Variants in NECAB1 observed in about 807,000 individuals in gnomAD.
The protein encoded by NECAB1 is N-terminal EF-hand calcium-binding protein 1.
NECAB1 carries 29 observed loss-of-function variants against 57.5 expected under a neutral mutation model. That is an observed-to-expected ratio of 0.50 (90% CI 0.38 to 0.69). NECAB1 has a LOEUF of 0.69. Ranked by LOEUF, NECAB1 falls within the 30% of genes least tolerant of loss-of-function variation. The pLI is 0.00. For missense variants in NECAB1, 372 were observed against 413.8 expected, an observed-to-expected ratio of 0.90 and a Z score of 0.88; for synonymous variants, 142 against 147.7, an observed-to-expected ratio of 0.96 and a Z score of 0.28.
chr8:90,877,400 A>G (rs950834274), intron 4 of NECAB1, among the ~76,000 whole-genome samples: 1 of 152,134 alleles, frequency 6.6e-6, no homozygotes, highest in African/African-American at 2.4e-5. Context: ...CCCATTGCCC[A>G]TAGTGGTCTC....
intron 3 of NECAB1, among the ~76,000 whole-genome samples, chr8:90,852,292 A>G (rs1812698468): frequency 6.6e-6 from 1 of 152,204 alleles, no homozygotes; most frequent in Admixed American, 6.5e-5. Flanking sequence ...GAGGCCCTGA[A>G]AAGTTCAGTA....
chr8:90,910,792 A>G (rs1165005048), intron 5 of NECAB1, among the ~76,000 whole-genome samples: 1 of 152,118 alleles, frequency 6.6e-6, no homozygotes, highest in African/African-American at 2.4e-5. Context: ...GCTATTCTCA[A>G]ATTAGCCATT....
At chr8:90,811,410 G>A (rs1811958464) in intron 2 of NECAB1, among the ~76,000 whole-genome samples, 1 of 152,178 alleles carries the variant, frequency 6.6e-6, no homozygotes, top group Non-Finnish European at 1.5e-5. Flanking sequence ...GAGTTCTGAG[G>A]AGGAAGAGGT....
intron 5 of NECAB1, among the ~76,000 whole-genome samples, chr8:90,894,979 G>A (rs1430514116): frequency 1.3e-5 from 2 of 152,154 alleles, no homozygotes; most frequent in Non-Finnish European, 2.9e-5. Flanking sequence ...ATAGTTTAAT[G>A]AAGCACAGGG....
chr8:90,849,092 T>G (rs1288121693), intron 3 of NECAB1, among the ~76,000 whole-genome samples: 1 of 152,124 alleles, frequency 6.6e-6, no homozygotes, highest in African/African-American at 2.4e-5. Flanking sequence ...AAGCTACAAT[T>G]CAAGGTGAGA....
At chr8:90,858,922 C>T (rs1483102839) in intron 3 of NECAB1, 1 of 152,164 alleles carries the variant, frequency 6.6e-6, no homozygotes, top group African/African-American at 2.4e-5. Flanking sequence ...AGAGTTCAAA[C>T]TCAAACAGTT....
At chr8:90,825,442 G>C (rs1812209215) in intron 3 of NECAB1, among the ~76,000 whole-genome samples, 1 of 151,804 alleles carries the variant, frequency 6.6e-6, no homozygotes. Flanking sequence ...TTAGGGTATA[G>C]AGCAATAGAA....
intron 3 of NECAB1, among the ~76,000 whole-genome samples, chr8:90,851,648 C>A (rs968191507): frequency 2.6e-5 from 4 of 152,042 alleles, no homozygotes; most frequent in Non-Finnish European, 2.9e-5. Context: ...AGGTTCACAG[C>A]AAAATGGAGT....
At chr8:90,891,035 G>A (rs1809151410) in intron 5 of NECAB1, among the ~76,000 whole-genome samples, 1 of 152,170 alleles carries the variant, frequency 6.6e-6, no homozygotes, top group Admixed American at 6.5e-5. Flanking sequence ...AAGGTTTATG[G>A]CCGAAGATTG....
chr8:90,863,261 C>T (rs918466614), intron 3 of NECAB1, among the ~76,000 whole-genome samples: 2 of 152,046 alleles, frequency 1.3e-5, no homozygotes, highest in African/African-American at 4.8e-5. Context: ...TTGAAATAAG[C>T]CCACAACATT....
intron 9 of NECAB1, among the ~76,000 whole-genome samples, chr8:90,937,672 G>A (rs73298063): frequency 0.021 from 3,222 of 152,104 alleles, 120 homozygotes; most frequent in African/African-American, 0.074. Flanking sequence ...TTCATTCAAA[G>A]GTTTTTAAAA....
At position 90,924,408 on chromosome 8, in the gene NECAB1, A is replaced by C. The variant is rs905378820; in HGVS notation, c.495-1127A>C. 5.3e-5 allele frequency among the ~76,000 whole-genome samples: 8 copies of C among 152,344 alleles called. No individual in the cohort carries two copies. In the South Asian group the frequency reaches 1.4e-3, roughly 28 times the overall value. ...AGGGGGATCAGAGGTCATCCAACAC[A>C]GGAGAAAGGCTAAAGGAATCTTCCC... On this transcript the variant is annotated intron_variant, in intron 6 of 12. Coordinates refer to ENST00000417640, the MANE Select transcript of NECAB1 (RefSeq NM_022351.5).
intron 3 of NECAB1, among the ~76,000 whole-genome samples, chr8:90,834,006 T>A (rs1312521665): frequency 6.6e-6 from 1 of 151,614 alleles, no homozygotes. Flanking sequence ...CTATTAAAAA[T>A]ACAAAAATTA....
intron 3 of NECAB1, among the ~76,000 whole-genome samples, chr8:90,834,013 A>C (rs1352207650): frequency 6.6e-6 from 1 of 151,848 alleles, no homozygotes; most frequent in Non-Finnish European, 1.5e-5. Flanking sequence ...AAATACAAAA[A>C]TTAGCTAGGC....
intron 3 of NECAB1, among the ~76,000 whole-genome samples, chr8:90,867,561 T>A (rs1808541906): frequency 6.6e-6 from 1 of 152,126 alleles, no homozygotes; most frequent in Non-Finnish European, 1.5e-5. Context: ...CTATCTATCA[T>A]TCCGAGACTT....
chr8:90,902,647 T>C (rs571443041), intron 5 of NECAB1, among the ~76,000 whole-genome samples: 53 of 152,250 alleles, frequency 3.5e-4, no homozygotes, highest in African/African-American at 1.2e-3. Context: ...AAATTGACAA[T>C]AAAACATACT....
intron 9 of NECAB1, among the ~76,000 whole-genome samples, chr8:90,936,419 C>T (rs1810540162): frequency 6.6e-6 from 1 of 152,126 alleles, no homozygotes; most frequent in Non-Finnish European, 1.5e-5. Flanking sequence ...TTAATCCTCA[C>T]AATAGCCAGC....
chr8:90,879,694 T>C (rs1460328366), intron 4 of NECAB1, among the ~76,000 whole-genome samples: 1 of 152,210 alleles, frequency 6.6e-6, no homozygotes, highest in Non-Finnish European at 1.5e-5. Flanking sequence ...GTTCATTTGT[T>C]ATAAATAATT....
At chr8:90,913,517 T>C (rs971753712) in intron 5 of NECAB1, among the ~76,000 whole-genome samples, 11 of 152,194 alleles carry the variant, frequency 7.2e-5, no homozygotes, top group African/African-American at 2.7e-4. Flanking sequence ...ATCTGTACAT[T>C]TTTAAACTAC....
Sources: allele counts gnomAD v4.1 joint callset (sites outside exome capture counted in the v4.1 genomes callset), GRCh38; gene constraint gnomAD v4.1.1; transcripts MANE v1.5; gene names NCBI Gene and HGNC (gene_info 2026-07-23, HGNC 2026-07-21).